Variants in LARS2 observed in about 807,000 individuals in gnomAD.
LARS2 encodes the protein leucyl-tRNA synthetase 2, mitochondrial.
In LARS2, 81 loss-of-function variants were observed where a neutral mutation model predicts 116.6. The observed-to-expected ratio is 0.69, with a 90% confidence interval of 0.58 to 0.84. The LOEUF (loss-of-function observed/expected upper bound fraction) is 0.84, where lower values mean the gene tolerates loss of function less well. Ranked by LOEUF, LARS2 falls within the 40% of genes least tolerant of loss-of-function variation. LARS2 has a pLI of 0.00. For missense variants in LARS2, 968 were observed against 1,114.5 expected (o/e 0.87, Z 1.87); for synonymous variants, 396 against 407.2 (o/e 0.97, Z 0.33).
intron 20 of LARS2, among the ~76,000 whole-genome samples, chr3:45,537,400 T>G (rs1700723089): frequency 6.6e-6 from 1 of 152,242 alleles, no homozygotes; most frequent in Non-Finnish European, 1.5e-5. Context: ...GTAGCTATTG[T>G]GTTTTGCTGT....
At position 45,488,731 on chromosome 3, in the gene LARS2, A is replaced by C. The variant is rs1480148080; in HGVS notation, c.1158A>C (p.Leu386Phe). ...GTACTAGCTCAGAGGACACCATCTT[A>C]GCCCAAACCCTGGGCCTGGCCTACT... ...IPSTSSEDTI[L>F]AQTLGLAYSE... is the part of the protein sequence containing the mutation. The change falls in exon 12 of 22, where the codon TTA becomes TTC. Residue 386 changes from leucine to phenylalanine, a missense_variant. Coordinates refer to ENST00000645846, the MANE Select transcript of LARS2 (RefSeq NM_015340.4). 6.2e-7 allele frequency: 1 copy of C among 1,613,592 alleles called. No homozygotes were observed. Among genetic ancestry groups the C allele is most frequent in the Non-Finnish European group, 8.5e-7 (1 of 1,179,562 alleles).
intron 9 of LARS2, among the ~76,000 whole-genome samples, chr3:45,474,738 C>T (rs937917770): frequency 6.6e-6 from 1 of 152,154 alleles, no homozygotes; most frequent in Non-Finnish European, 1.5e-5. Flanking sequence ...AGCACAGACA[C>T]AGAGGGTCTT....
chr3:45,484,446 G>C (rs901422624), intron 10 of LARS2, among the ~76,000 whole-genome samples: 1 of 149,214 alleles, frequency 6.7e-6, no homozygotes, highest in Non-Finnish European at 1.5e-5. Flanking sequence ...CCTTGTTACA[G>C]TAGTTGTAAT....
chr3:45,389,187 A>G (rs1019809035), intron 1 of LARS2: 6 of 151,682 alleles, frequency 4.0e-5, no homozygotes, highest in African/African-American at 1.5e-4. Context: ...TTCCAGGTGC[A>G]TTCTTGCACT....
chr3:45,430,474 G>A (rs1488027504), intron 6 of LARS2, among the ~76,000 whole-genome samples: 2 of 147,974 alleles, frequency 1.4e-5, no homozygotes, highest in Non-Finnish European at 3.0e-5. Flanking sequence ...TAGAGACGGG[G>A]TTTCACCGTG....
intron 8 of LARS2, among the ~76,000 whole-genome samples, chr3:45,461,855 G>A (rs1355875108): frequency 6.6e-6 from 1 of 152,194 alleles, no homozygotes; most frequent in East Asian, 1.9e-4. Context: ...ACATAGTCCT[G>A]ACCCTTTTCA....
chr3:45,517,984 G>A lies in LARS2; in HGVS notation c.2126G>A (p.Gly709Glu), dbSNP rs776153395. 6.2e-7 allele frequency: 1 copy of A among 1,613,866 alleles called. No individual in the cohort carries two copies. The highest frequency in any genetic ancestry group is 8.5e-7 in the Non-Finnish European group (1 of 1,179,886). ...CGGTTTATTGAGGCCAGGGCTTCTG[G>A]GAAGTCTCCCCAGCCTCAGCTGCTG... The part of the protein sequence containing the change: ...TTRFIEARAS[G>E]KSPQPQLLSN... Residue 709 changes from glycine to glutamate, a missense_variant, in exon 18 of 22, where the codon GGG becomes GAG. Gly to Glu is a moderately conservative substitution (Grantham distance 98). Coordinates refer to ENST00000645846, the MANE Select transcript of LARS2 (RefSeq NM_015340.4).
intron 6 of LARS2, chr3:45,421,162 T>C (rs1349366548): frequency 6.6e-6 from 1 of 152,202 alleles, no homozygotes. Flanking sequence ...TTCTCTATTA[T>C]AAATGCAGAT....
intron 11 of LARS2, among the ~76,000 whole-genome samples, chr3:45,486,475 AC>A (rs926576178): frequency 2.0e-5 from 3 of 152,182 alleles, no homozygotes; most frequent in Non-Finnish European, 2.9e-5. Context: ...TTTAGGACAG[AC>A]CTGTGCATTT....
chr3:45,390,470 G>T (rs1270714703), intron 1 of LARS2, among the ~76,000 whole-genome samples: 4 of 149,704 alleles, frequency 2.7e-5, no homozygotes, highest in Non-Finnish European at 5.9e-5. Flanking sequence ...CCGCCACCAC[G>T]CCTGGCTAAT....
intron 8 of LARS2, among the ~76,000 whole-genome samples, chr3:45,466,719 T>TTTA (rs1206542900): frequency 2.0e-5 from 3 of 151,900 alleles, no homozygotes; most frequent in African/African-American, 7.3e-5. Context: ...TGCCTTCTTT[T>TTTA]TTATTATTAT....
At chr3:45,524,170 T>A (rs1023559075) in intron 20 of LARS2, 62 bp downstream of exon 20, 4 of 1,100,634 alleles carry the variant, frequency 3.6e-6, no homozygotes, top group African/African-American at 3.1e-5. Context: ...AAGCCTCTTT[T>A]TGAACATCAT....
Position 45,547,445 on chromosome 3 carries a change from G to C in LARS2, c.2627G>C (p.Gly876Ala), listed in dbSNP as rs1192233849. Residue 876 changes from glycine (G) to alanine (A), a missense_variant, in exon 22 of 22, where the codon GGT becomes GCT. Physicochemically the swap from Gly to Ala is moderately conservative, Grantham distance 60. Coordinates refer to ENST00000645846, the MANE Select transcript of LARS2 (RefSeq NM_015340.4). ...VHEFVLQSEL[G>A]VRLLQGRSIK... The stretch of plus-strand genomic sequence containing the variant: ...GAATTTGTTCTTCAAAGCGAGCTGG[G>C]TGTCAGGCTTTTGCAAGGACGAAGC... The C allele has an allele frequency of 1.9e-6, 3 of 1,613,922 alleles. No homozygotes were observed. The South Asian group carries it at 3.3e-5, about 18-fold the overall frequency.
intron 6 of LARS2, among the ~76,000 whole-genome samples, chr3:45,428,902 A>T (rs376580371): frequency 6.6e-6 from 1 of 152,114 alleles, no homozygotes; most frequent in Non-Finnish European, 1.5e-5. Context: ...TTATTTGAGT[A>T]TGTATTGCAG....
chr3:45,390,092 C>A (rs1022674175), intron 1 of LARS2, among the ~76,000 whole-genome samples: 1 of 151,688 alleles, frequency 6.6e-6, no homozygotes, highest in East Asian at 1.9e-4. Flanking sequence ...CCCCACCCCC[C>A]AAAAAAAGGT....
intron 6 of LARS2, among the ~76,000 whole-genome samples, chr3:45,438,527 G>A (rs1332837133): frequency 6.6e-6 from 1 of 152,034 alleles, no homozygotes; most frequent in Non-Finnish European, 1.5e-5. Flanking sequence ...GTATAAAGAT[G>A]AGAGGATGGG....
chr3:45,534,343 TA>T (rs1488252758), intron 20 of LARS2, among the ~76,000 whole-genome samples: 1 of 152,156 alleles, frequency 6.6e-6, no homozygotes, highest in Non-Finnish European at 1.5e-5. Context: ...TGAGGAGGGT[TA>T]ATGTAACAGA....
chr3:45,471,143 C>T (rs1242784143), intron 8 of LARS2, among the ~76,000 whole-genome samples: 1 of 150,832 alleles, frequency 6.6e-6, no homozygotes, highest in Non-Finnish European at 1.5e-5. Flanking sequence ...CGTAACTACT[C>T]ACATCTTATT....
At position 45,484,639 on chromosome 3, in the gene LARS2, ATATATATATT is replaced by A. The variant is rs1452681317; in HGVS notation, c.1019-1050_1019-1041del. Among the ~76,000 whole-genome samples the A allele has an allele frequency of 1.6e-4, 15 of 91,170 alleles. 3 individuals are homozygous for A. Among genetic ancestry groups the A allele is most frequent in the South Asian group, 3.8e-4 (1 of 2,622 alleles). The allele number at this position is 91,170 out of a possible 152,430, so 59.8% of individuals were successfully genotyped here. A position where few individuals can be genotyped will look rare whatever the true frequency, so the allele number is the denominator to read the frequency against. ...AAAAAAAAAAAAAAAAAATATATAT[ATATATATATT>A]TAAAATAAGATGTTATTTTAAATAA... On this transcript the variant is annotated intron_variant, in intron 10 of 21. Transcript: ENST00000645846.
Sources: allele counts gnomAD v4.1 joint callset (sites outside exome capture counted in the v4.1 genomes callset), GRCh38; gene constraint gnomAD v4.1.1; transcripts MANE v1.5; gene names NCBI Gene and HGNC (gene_info 2026-07-23, HGNC 2026-07-21).